Variants in CDH13 observed in about 807,000 individuals in gnomAD.
CDH13 encodes the protein cadherin 13, also known as cadherin-13.
Under a neutral mutation model 63.8 loss-of-function variants are expected in CDH13, and 24 were observed. That is an observed-to-expected ratio of 0.38 (90% CI 0.27 to 0.53). The LOEUF is 0.53. CDH13 is among the 20% of genes least tolerant of loss of function. The pLI is 0.85. For synonymous variants in CDH13, 503 were observed against 355.3 expected, an observed-to-expected ratio of 1.42 and a Z score of -4.67; for missense variants, 1,049 against 903.1, an observed-to-expected ratio of 1.16 and a Z score of -2.07.
intron 5 of CDH13, among the ~76,000 whole-genome samples, chr16:83,246,444 G>T (rs1377973578): frequency 6.6e-6 from 1 of 152,074 alleles, no homozygotes; most frequent in Non-Finnish European, 1.5e-5. Context: ...CTGCTTTGCT[G>T]ACTTCTGTAC....
rs373206683 is a variant in CDH13, at chr16:82,669,835, A to G, written c.45+42698A>G. 3.3e-5 allele frequency among the ~76,000 whole-genome samples: 5 copies of G among 152,306 alleles called. No homozygotes were observed. The East Asian group carries it at 7.7e-4, about 24-fold the overall frequency. ...TTGTGAAGACAAATGTCCTGATCTC[A>G]CTTTAGGGAGTTGACAAATGGATCT... On this transcript the variant is annotated intron_variant, in intron 1 of 13. Coordinates refer to ENST00000567109, the MANE Select transcript of CDH13 (RefSeq NM_001257.5).
intron 2 of CDH13, among the ~76,000 whole-genome samples, chr16:82,902,416 T>TTGAG (rs2041502135): frequency 6.6e-6 from 1 of 151,694 alleles, no homozygotes; most frequent in Admixed American, 6.6e-5. Context: ...CCAGCATTAG[T>TTGAG]TGAGGATCAT....
intron 2 of CDH13, among the ~76,000 whole-genome samples, chr16:83,002,231 C>A (rs1435112828): frequency 3.9e-5 from 6 of 152,146 alleles, no homozygotes; most frequent in Non-Finnish European, 8.8e-5. Flanking sequence ...TCTGGGTGAG[C>A]CCTAAATCCA....
chr16:83,359,003 G>T (rs1391085794), intron 6 of CDH13, among the ~76,000 whole-genome samples: 2 of 152,160 alleles, frequency 1.3e-5, no homozygotes, highest in Non-Finnish European at 2.9e-5. Context: ...ATGTCAGTGT[G>T]CTGGCTTCGT....
chr16:83,427,282 A>ACCGTG (rs1555547209), intron 6 of CDH13, among the ~76,000 whole-genome samples: 7 of 151,992 alleles, frequency 4.6e-5, no homozygotes, highest in Non-Finnish European at 1.0e-4. Context: ...TGAGATGGAG[A>ACCGTG]CAGTGTTATT....
intron 2 of CDH13, among the ~76,000 whole-genome samples, chr16:82,904,905 C>A (rs552091032): frequency 2.6e-5 from 4 of 152,144 alleles, no homozygotes; most frequent in African/African-American, 9.7e-5. Context: ...CCTAAATGAA[C>A]CTAGGTTTCT....
chr16:82,698,851 T>A (rs931808092), intron 1 of CDH13, among the ~76,000 whole-genome samples: 2 of 152,228 alleles, frequency 1.3e-5, no homozygotes, highest in East Asian at 3.8e-4. Flanking sequence ...TAGTAAATAT[T>A]TTAGACTTTG....
rs140795971 is a variant in CDH13 at position 83,073,593 on chromosome 16, A to T, written c.366+41375A>T. Among the ~76,000 whole-genome samples the T allele has an allele frequency of 5.4e-3, 818 of 152,200 alleles. 5 individuals carry two copies. Among genetic ancestry groups the T allele is most frequent in the Non-Finnish European group, 8.4e-3 (573 of 67,994 alleles). On this transcript the variant is annotated intron_variant, in intron 3 of 13. Coordinates refer to ENST00000567109, the MANE Select transcript of CDH13 (RefSeq NM_001257.5). Reference sequence around the variant, plus strand: ...GAGAATACAACAGCTGCATTTAAAGAAGCTGAATCCCCTATTGCAGATTTT... The same window carrying T: ...GAGAATACAACAGCTGCATTTAAAGTAGCTGAATCCCCTATTGCAGATTTT...
chr16:83,352,793 G>C (rs2090981282), intron 6 of CDH13, among the ~76,000 whole-genome samples: 1 of 152,204 alleles, frequency 6.6e-6, no homozygotes, highest in Non-Finnish European at 1.5e-5. Context: ...AAGATGCTGA[G>C]GTGGGAGAAT....
intron 6 of CDH13, among the ~76,000 whole-genome samples, chr16:83,453,649 C>G (rs1335539598): frequency 6.6e-6 from 1 of 152,092 alleles, no homozygotes; most frequent in Admixed American, 6.5e-5. Flanking sequence ...TGGTGGGGTT[C>G]TCAGATCCTT....
intron 7 of CDH13, among the ~76,000 whole-genome samples, chr16:83,513,872 T>C (rs1013226787): frequency 6.6e-6 from 1 of 151,984 alleles, no homozygotes; most frequent in African/African-American, 2.4e-5. Flanking sequence ...GCCTCTCTAG[T>C]CCCCAAGTAG....
intron 6 of CDH13, among the ~76,000 whole-genome samples, chr16:83,377,935 C>T (rs941476080): frequency 1.3e-5 from 2 of 152,176 alleles, no homozygotes; most frequent in African/African-American, 4.8e-5. Context: ...TGGAAAGAAG[C>T]AGACCATTGA....
chr16:83,035,941 C>A (rs1038656076), intron 3 of CDH13, among the ~76,000 whole-genome samples: 3 of 152,060 alleles, frequency 2.0e-5, no homozygotes, highest in African/African-American at 7.2e-5. Flanking sequence ...TGTGCTAAAC[C>A]CTGGGTTTAT....
At chr16:83,617,407 T>G (rs1186917231) in intron 8 of CDH13, among the ~76,000 whole-genome samples, 1 of 152,094 alleles carries the variant, frequency 6.6e-6, no homozygotes, top group Non-Finnish European at 1.5e-5. Context: ...ATGCACATAT[T>G]CTAGTCTAAT....
At chr16:83,068,562 C>A (rs1483255212) in intron 3 of CDH13, among the ~76,000 whole-genome samples, 4 of 152,178 alleles carry the variant, frequency 2.6e-5, no homozygotes, top group African/African-American at 4.8e-5. Context: ...AACACTATGG[C>A]CTGACCCTCT....
intron 5 of CDH13, among the ~76,000 whole-genome samples, chr16:83,305,056 G>A (rs1303768903): frequency 6.6e-6 from 1 of 152,180 alleles, no homozygotes; most frequent in South Asian, 2.1e-4. Context: ...AAAACAGAAT[G>A]CTCTCAATGT....
intron 6 of CDH13, among the ~76,000 whole-genome samples, chr16:83,364,569 C>G (rs1011131399): frequency 6.6e-6 from 1 of 152,188 alleles, no homozygotes; most frequent in African/African-American, 2.4e-5. Flanking sequence ...GAAGAGGTGA[C>G]TTTAAACTCA....
chr16:83,496,214 C>T (rs2074140068), intron 7 of CDH13, among the ~76,000 whole-genome samples: 1 of 151,366 alleles, frequency 6.6e-6, no homozygotes, highest in South Asian at 2.1e-4. Context: ...CAATCCTAAG[C>T]CAAAAGAACA....
At chr16:83,761,837 C>T (rs1221670542) in intron 11 of CDH13, among the ~76,000 whole-genome samples, 2 of 152,144 alleles carry the variant, frequency 1.3e-5, no homozygotes, top group African/African-American at 4.8e-5. Context: ...GAGGCTGAGG[C>T]AGGTGGGTCA....
Sources: allele counts gnomAD v4.1 joint callset (sites outside exome capture counted in the v4.1 genomes callset), GRCh38; gene constraint gnomAD v4.1.1; transcripts MANE v1.5; gene names NCBI Gene and HGNC (gene_info 2026-07-23, HGNC 2026-07-21).